The following TEAD1 variants were observed in gnomAD, a reference collection of about 807,000 sequenced individuals.
TEAD1 encodes transcriptional enhancer factor TEF-1.
In TEAD1, 9 loss-of-function variants were observed where a neutral mutation model predicts 54.9. The observed-to-expected ratio is 0.16, with a 90% confidence interval of 0.10 to 0.29. The LOEUF is 0.29. Ranked by LOEUF, TEAD1 falls within the 10% of genes least tolerant of loss-of-function variation. The probability of loss-of-function intolerance (pLI) is 1.00; values close to 1 mark genes in which losing one functional copy is unlikely to be tolerated. For missense variants in TEAD1, 387 were observed against 535.9 expected (o/e 0.72, Z 2.74); for synonymous variants, 200 against 187.8 (o/e 1.07, Z -0.53).
At chr11:12,762,010 T>C (rs956904926) in intron 2 of TEAD1, among the ~76,000 whole-genome samples, 1 of 152,140 alleles carries the variant, frequency 6.6e-6, no homozygotes, top group Non-Finnish European at 1.5e-5. Flanking sequence ...AACATTCTTT[T>C]AAGGCAGTCG....
intron 5 of TEAD1, among the ~76,000 whole-genome samples, chr11:12,865,933 A>G (rs1008331122): frequency 6.6e-6 from 1 of 152,206 alleles, no homozygotes; most frequent in Non-Finnish European, 1.5e-5. Context: ...GAACTAAAAA[A>G]CAGTGTAGTC....
intron 2 of TEAD1, among the ~76,000 whole-genome samples, chr11:12,683,353 T>C (rs1449370506): frequency 1.3e-5 from 2 of 152,020 alleles, no homozygotes; most frequent in Non-Finnish European, 2.9e-5. Flanking sequence ...ATCTGGGAGG[T>C]TATACATTGT....
chr11:12,732,288 C>G (rs1280687596), intron 2 of TEAD1, among the ~76,000 whole-genome samples: 1 of 152,200 alleles, frequency 6.6e-6, no homozygotes, highest in East Asian at 1.9e-4. Flanking sequence ...ATTTCTATCT[C>G]TGTCTTCCTT....
intron 10 of TEAD1, among the ~76,000 whole-genome samples, chr11:12,908,770 A>T (rs1240067354): frequency 6.6e-6 from 1 of 152,162 alleles, no homozygotes; most frequent in African/African-American, 2.4e-5. Context: ...ATATAACCTA[A>T]TGTGATACAT....
chr11:12,881,874 T>C, intron 7 of TEAD1, 22 bp from the exon 8 acceptor site: 4 of 1,613,842 alleles, frequency 2.5e-6, no homozygotes, highest in South Asian at 2.2e-5. Context: ...CTTAACTCTG[T>C]CTGCCATCTC....
At chr11:12,925,088 A>C in intron 11 of TEAD1, 36 bp downstream of exon 11, 2 of 1,612,610 alleles carry the variant, frequency 1.2e-6, no homozygotes, top group South Asian at 2.2e-5. Flanking sequence ...ACTTCATTCA[A>C]GGGCAGACTG....
chr11:12,854,955 C>T (rs1213930711), intron 3 of TEAD1, among the ~76,000 whole-genome samples: 8 of 152,150 alleles, frequency 5.3e-5, no homozygotes, highest in Non-Finnish European at 8.8e-5. Flanking sequence ...CATCCACACA[C>T]AGTCCATGTG....
chr11:12,862,243 CT>C lies in TEAD1; in HGVS notation c.203-4del. On this transcript the variant is annotated splice_region_variant and splice_polypyrimidine_tract_variant and intron_variant, in intron 3 of 12. Transcript: ENST00000527636. ...CCCACCTCATGGTAAATTCTTCTTTCTTTCAGGTAGGAATGAATTGATAGCC... is the reference window on the plus strand; with the variant it reads ...CCCACCTCATGGTAAATTCTTCTTTCTTCAGGTAGGAATGAATTGATAGCC... The C allele has an allele frequency of 6.2e-7, 1 of 1,613,400 alleles. No individual in the cohort carries two copies. Among genetic ancestry groups the C allele is most frequent in the African/African-American group, 1.3e-5 (1 of 74,986 alleles).
intron 10 of TEAD1, among the ~76,000 whole-genome samples, chr11:12,916,566 A>G (rs928509635): frequency 6.6e-6 from 1 of 152,170 alleles, no homozygotes; most frequent in Non-Finnish European, 1.5e-5. Context: ...TTTTATATGC[A>G]TTATCTCCTC....
intron 3 of TEAD1, among the ~76,000 whole-genome samples, chr11:12,794,869 G>A (rs1337411632): frequency 6.6e-6 from 1 of 152,200 alleles, no homozygotes; most frequent in African/African-American, 2.4e-5. Context: ...ACTCCCTGGC[G>A]CTTATCCCTA....
intron 2 of TEAD1, among the ~76,000 whole-genome samples, chr11:12,676,494 C>G (rs183290900): frequency 2.3e-3 from 349 of 152,372 alleles, no homozygotes; most frequent in African/African-American, 7.8e-3. Context: ...CACCCTTTCA[C>G]TGTTGGGTTT....
chr11:12,799,186 G>T (rs1017983044), intron 3 of TEAD1, among the ~76,000 whole-genome samples: 1 of 152,296 alleles, frequency 6.6e-6, no homozygotes, highest in South Asian at 2.1e-4. Flanking sequence ...AGTTCCAGGC[G>T]TTTATCTCAG....
chr11:12,797,964 C>T lies in TEAD1; in HGVS notation c.202+33530C>T, dbSNP rs148730500. 1.2e-4 allele frequency among the ~76,000 whole-genome samples: 18 copies of T among 152,272 alleles called. No homozygotes were observed. The East Asian group carries it at 3.5e-3, about 29-fold the overall frequency. On this transcript the variant is annotated intron_variant, in intron 3 of 12. Coordinates refer to ENST00000527636, the MANE Select transcript of TEAD1 (RefSeq NM_021961.6). ...TTGGATAATTCTCATTATCCAAACTCTTAATTGCCTGATACCTGGATGAGT... is the reference window on the plus strand; with the variant it reads ...TTGGATAATTCTCATTATCCAAACTTTTAATTGCCTGATACCTGGATGAGT...
chr11:12,762,710 AT>A (rs1945126270), intron 2 of TEAD1, among the ~76,000 whole-genome samples: 1 of 152,180 alleles, frequency 6.6e-6, no homozygotes, highest in South Asian at 2.1e-4. Flanking sequence ...TAGTTATACC[AT>A]TAATTATATA....
chr11:12,849,511 A>T (rs1002696644), intron 3 of TEAD1: 9 of 152,172 alleles, frequency 5.9e-5, no homozygotes, highest in African/African-American at 2.2e-4. Flanking sequence ...GTGCCTAGAC[A>T]TTTAGATACT....
chr11:12,883,762 C>T (rs1407546122), intron 9 of TEAD1, among the ~76,000 whole-genome samples: 2 of 152,042 alleles, frequency 1.3e-5, no homozygotes, highest in African/African-American at 2.4e-5. Context: ...GCCTGTAATC[C>T]CAGCACTTTG....
At chr11:12,839,852 G>C (rs994548500) in intron 3 of TEAD1, among the ~76,000 whole-genome samples, 2 of 152,154 alleles carry the variant, frequency 1.3e-5, no homozygotes, top group Non-Finnish European at 2.9e-5. Context: ...AATGTGGTAA[G>C]ACTCATTAAT....
At position 12,830,761 on chromosome 11, in the gene TEAD1, C is replaced by CACACAT. The variant is rs201177790; in HGVS notation, c.203-31489_203-31488insACACAT. Among the ~76,000 whole-genome samples, 298 of 147,360 alleles carry CACACAT rather than the reference C, an allele frequency of 2.0e-3. 1 individual carries two copies. The highest frequency in any genetic ancestry group is 5.8e-3 in the African/African-American group (229 of 39,602). ...TTGCAATCACACACACACACATGCA[C>CACACAT]GCACACGCACATGCACATGCACATG... On this transcript the variant is annotated intron_variant, in intron 3 of 12. Transcript: ENST00000527636.
At chr11:12,870,017 T>C (rs1235597036) in intron 5 of TEAD1, among the ~76,000 whole-genome samples, 1 of 152,080 alleles carries the variant, frequency 6.6e-6, no homozygotes, top group Non-Finnish European at 1.5e-5. Context: ...GTAGCTGGGA[T>C]TACAGGCGCT....
Sources: allele counts gnomAD v4.1 joint callset (sites outside exome capture counted in the v4.1 genomes callset), GRCh38; gene constraint gnomAD v4.1.1; transcripts MANE v1.5; gene names NCBI Gene and HGNC (gene_info 2026-07-23, HGNC 2026-07-21).